The following VWA3B variants were observed in gnomAD, a reference collection of about 807,000 sequenced individuals.
VWA3B encodes von Willebrand factor A domain-containing protein 3B.
VWA3B carries 138 observed loss-of-function variants against 158.3 expected under a neutral mutation model. That is an observed-to-expected ratio of 0.87 (90% CI 0.76 to 1.00). The LOEUF (loss-of-function observed/expected upper bound fraction) is 1.00. Among genes scored for constraint, VWA3B ranks in the 50% least tolerant of loss-of-function variants. The pLI, the probability that VWA3B is intolerant of heterozygous loss-of-function variation, is 0.00. For missense variants in VWA3B, 1,555 were observed against 1,565.1 expected (o/e 0.99, Z 0.11); for synonymous variants, 596 against 587.3 (o/e 1.01, Z -0.21).
chr2:98,132,169 T>C (rs1485069441), intron 6 of VWA3B, among the ~76,000 whole-genome samples: 1 of 152,234 alleles, frequency 6.6e-6, no homozygotes, highest in Non-Finnish European at 1.5e-5. Flanking sequence ...AACGAGGCCA[T>C]GCAGCCATGG....
chr2:98,311,879 G>T lies in VWA3B; in HGVS notation c.3582G>T (p.Thr1194=). 1.2e-6 allele frequency: 2 copies of T among 1,612,298 alleles called. No individual in the cohort carries two copies. The highest frequency in any genetic ancestry group is 1.1e-5 in the South Asian group (1 of 90,648). ...TCTGGCCACTGAAAGAAGCGGACAC[G>T]CAGGATTCCAGAGAGCCAAGACGAG... The part of the protein sequence containing the change: ...FLFWPLKEAD[T]QDSREPRREK... The change falls in exon 27 of 28, where the codon ACG becomes ACT. Residue 1194 remains threonine, a synonymous_variant. Coordinates refer to ENST00000477737, the MANE Select transcript of VWA3B (RefSeq NM_144992.5).
chr2:98,321,647 T>C, the VWA3B span, among the ~76,000 whole-genome samples: 2 of 152,230 alleles, frequency 1.3e-5, no homozygotes, highest in Non-Finnish European at 2.9e-5. Context: ...TCATTTGGAA[T>C]GGTTGTATTA....
intron 7 of VWA3B, among the ~76,000 whole-genome samples, chr2:98,148,135 G>A (rs1051110082): frequency 6.6e-6 from 1 of 152,130 alleles, no homozygotes; most frequent in Non-Finnish European, 1.5e-5. Context: ...ATAAATTTCT[G>A]ATAGTGAAAA....
chr2:98,121,110 T>C (rs565158767), intron 4 of VWA3B, among the ~76,000 whole-genome samples, 189 bp from the exon 5 acceptor site: 11 of 152,340 alleles, frequency 7.2e-5, no homozygotes, highest in Non-Finnish European at 1.5e-4. Context: ...TAGTGGTGCT[T>C]TGGGAACCTG....
At position 98,178,207 on chromosome 2, in the gene VWA3B, C is replaced by T. The variant is rs139721201; in HGVS notation, c.1115-2809C>T. Among the ~76,000 whole-genome samples, 336 of 152,154 alleles carry T rather than the reference C, an allele frequency of 2.2e-3. 1 individual carries two copies. The highest frequency in any genetic ancestry group is 6.8e-3 in the African/African-American group (284 of 41,502). ...CTGAGAAGCCTCTGGCTTGAGCTCC[C>T]GGAGAAGCGTGAAAAAATGTTTTGT... On this transcript the variant is annotated intron_variant, in intron 8 of 27. Transcript: ENST00000477737.
chr2:98,223,821 G>C (rs1438233531), intron 14 of VWA3B, among the ~76,000 whole-genome samples: 1 of 152,126 alleles, frequency 6.6e-6, no homozygotes, highest in Non-Finnish European at 1.5e-5. Context: ...GCCTTAAACT[G>C]TTGGGCTCCT....
intron 22 of VWA3B, among the ~76,000 whole-genome samples, chr2:98,279,500 G>A (rs537047467): frequency 6.6e-6 from 1 of 152,330 alleles, no homozygotes; most frequent in Non-Finnish European, 1.5e-5. Context: ...GGAAGAAAAC[G>A]GAGTGTAGAG....
chr2:98,259,068 C>A (rs1687326153), intron 21 of VWA3B, among the ~76,000 whole-genome samples: 1 of 151,674 alleles, frequency 6.6e-6, no homozygotes, highest in Non-Finnish European at 1.5e-5. Context: ...TGTATTAAAT[C>A]ATGTGATTTT....
intron 8 of VWA3B, among the ~76,000 whole-genome samples, chr2:98,171,645 G>A (rs79321495): frequency 7.2e-4 from 110 of 152,122 alleles, no homozygotes; most frequent in African/African-American, 2.6e-3. Flanking sequence ...CTAGAGGATT[G>A]TAAGCAGGGG....
chr2:98,329,960 G>A, the VWA3B span, among the ~76,000 whole-genome samples: 2,186 of 152,268 alleles, frequency 0.014, 48 homozygotes, highest in African/African-American at 0.049. Flanking sequence ...GAAGGATGTC[G>A]TTTGACAGCC....
intron 22 of VWA3B, among the ~76,000 whole-genome samples, chr2:98,287,571 T>TAA (rs144010795): frequency 6.6e-6 from 1 of 152,106 alleles, no homozygotes; most frequent in Non-Finnish European, 1.5e-5. Flanking sequence ...TCATCAAGCA[T>TAA]AAAAAAATGG....
At chr2:98,294,911 A>G (rs1689711742) in intron 23 of VWA3B, among the ~76,000 whole-genome samples, 1 of 152,224 alleles carries the variant, frequency 6.6e-6, no homozygotes, top group Non-Finnish European at 1.5e-5. Flanking sequence ...GAAACCCTTC[A>G]TAAACTGGCT....
At chr2:98,099,380 C>T (rs916497925) in intron 2 of VWA3B, 7 of 152,066 alleles carry the variant, frequency 4.6e-5, no homozygotes, top group African/African-American at 9.7e-5. Context: ...TTTTGTTTTC[C>T]TCCTTGAGCT....
rs547411533 is a variant in VWA3B, at chr2:98,154,608, C to T, written c.989-8243C>T. Among the ~76,000 whole-genome samples the T allele has an allele frequency of 3.9e-5, 6 of 152,306 alleles. No homozygotes were observed. The South Asian group carries it at 1.2e-3, about 32-fold the overall frequency. On this transcript the variant is annotated intron_variant, in intron 7 of 27. Transcript: ENST00000477737. Reference sequence around the variant, plus strand: ...GTCTTGTTTAAAGTAGCCCTCTTGACACTGGGCAGGGGTGGGCTCAGCCCA... The same window carrying T: ...GTCTTGTTTAAAGTAGCCCTCTTGATACTGGGCAGGGGTGGGCTCAGCCCA...
At chr2:98,298,421 T>G (rs1213662141) in intron 24 of VWA3B, among the ~76,000 whole-genome samples, 155 of 149,098 alleles carry the variant, frequency 1.0e-3, no homozygotes, top group Admixed American at 2.2e-3. Flanking sequence ...TCTATTCTAT[T>G]CTATTCTATT....
intron 20 of VWA3B, among the ~76,000 whole-genome samples, chr2:98,254,916 C>T (rs993746471): frequency 5.3e-5 from 8 of 152,294 alleles, no homozygotes; most frequent in Admixed American, 3.3e-4. Context: ...CCTCTGAGCC[C>T]TGTCCAGCTG....
intron 24 of VWA3B, among the ~76,000 whole-genome samples, chr2:98,299,639 C>A (rs116269075): frequency 2.0e-5 from 3 of 152,198 alleles, no homozygotes; most frequent in Admixed American, 6.5e-5. Context: ...TCTCCGTTTG[C>A]GACTTTTACC....
intron 8 of VWA3B, among the ~76,000 whole-genome samples, chr2:98,166,715 G>A (rs1330980251): frequency 6.6e-6 from 1 of 151,624 alleles, no homozygotes; most frequent in Non-Finnish European, 1.5e-5. Context: ...AGAAGGTCTT[G>A]GATGTTATTC....
At chr2:98,096,971 A>G (rs1202113837) in intron 2 of VWA3B, among the ~76,000 whole-genome samples, 2 of 152,092 alleles carry the variant, frequency 1.3e-5, no homozygotes, top group Admixed American at 6.5e-5. Context: ...TTTGAGATAT[A>G]TATTTTTTGA....
Sources: allele counts gnomAD v4.1 joint callset (sites outside exome capture counted in the v4.1 genomes callset), GRCh38; gene constraint gnomAD v4.1.1; transcripts MANE v1.5; gene names NCBI Gene and HGNC (gene_info 2026-07-23, HGNC 2026-07-21).